Variants in MAP4K4 observed in about 807,000 individuals in gnomAD.
MAP4K4 encodes HPK/GCK-like kinase HGK.
A neutral mutation model predicts 189.6 loss-of-function variants in MAP4K4; 38 were observed. That is an observed-to-expected ratio of 0.20 (90% CI 0.15 to 0.26). MAP4K4 has a LOEUF of 0.26. MAP4K4 is among the 10% of genes least tolerant of loss of function. The pLI is 1.00. For synonymous variants in MAP4K4, 610 were observed against 624.3 expected, an observed-to-expected ratio of 0.98 and a Z score of 0.34; for missense variants, 1,054 against 1,726.9, an observed-to-expected ratio of 0.61 and a Z score of 6.91.
At position 101,792,597 on chromosome 2, in the gene MAP4K4, TCTCCTC is replaced by T. The variant is rs60472010; in HGVS notation, c.180+1848_180+1853del. On this transcript the variant is annotated intron_variant, in intron 3 of 32. Coordinates refer to ENST00000324219, the Ensembl canonical transcript of MAP4K4. ...ATACTTACTGCCACCTTCTCCTCCT[TCTCCTC>T]CTCCTCCTCCTCCTCCTCCTCCTCC... 5.7e-3 allele frequency among the ~76,000 whole-genome samples: 830 copies of T among 144,902 alleles called. 4 individuals carry two copies. Among genetic ancestry groups the T allele is most frequent in the African/African-American group, 7.3e-3 (268 of 36,620 alleles).
chr2:101,775,596 C>T (rs926853682), intron 2 of MAP4K4, among the ~76,000 whole-genome samples: 3 of 152,078 alleles, frequency 2.0e-5, no homozygotes, highest in African/African-American at 7.2e-5. Flanking sequence ...AGGCCCTGGG[C>T]TAGTGCTGGG....
chr2:101,883,108 G>C (rs2098426218), intron 28 of MAP4K4, among the ~76,000 whole-genome samples: 1 of 152,198 alleles, frequency 6.6e-6, no homozygotes, highest in South Asian at 2.1e-4. Context: ...TCTCCACTTA[G>C]AGGTCTGGAG....
chr2:101,871,038 C>T lies in MAP4K4; in HGVS notation c.2761-456C>T, dbSNP rs375794174. Among the ~76,000 whole-genome samples, 9 of 152,308 alleles carry T rather than the reference C, an allele frequency of 5.9e-5. 1 individual carries two copies. In the East Asian group the frequency reaches 1.3e-3, roughly 23 times the overall value. On this transcript the variant is annotated intron_variant, in intron 23 of 32. Coordinates refer to ENST00000324219, the Ensembl canonical transcript of MAP4K4. ...GACTTAATTAAAGTGATACGCTTCT[C>T]ATTTAAATAGAACAGGGCACCTATT...
chr2:101,744,281 C>T (rs2064158815), intron 2 of MAP4K4, among the ~76,000 whole-genome samples: 1 of 152,210 alleles, frequency 6.6e-6, no homozygotes, highest in Non-Finnish European at 1.5e-5. Flanking sequence ...ACTGCTATCA[C>T]TTCAACACAT....
At chr2:101,843,246 A>G (rs932700500) in intron 11 of MAP4K4, among the ~76,000 whole-genome samples, 2 of 152,178 alleles carry the variant, frequency 1.3e-5, no homozygotes, top group African/African-American at 2.4e-5. Flanking sequence ...GCAGTTGTCC[A>G]TGCTGCAGTA....
chr2:101,783,660 C>T (rs2089018926), intron 2 of MAP4K4, among the ~76,000 whole-genome samples: 1 of 152,184 alleles, frequency 6.6e-6, no homozygotes, highest in Non-Finnish European at 1.5e-5. Context: ...CAGTAAATCT[C>T]TTAAATCCAA....
rs1368362969 is a variant in MAP4K4 at position 101,829,485 on chromosome 2, G to C, written c.418-19G>C. ...ATAGTCACAGAAAACTAAAATTCAG[G>C]TCTGTCTTTCCTATTCAGGGACTGG... On this transcript the variant is annotated intron_variant, in intron 5 of 32. Transcript: ENST00000324219. The C allele has an allele frequency of 6.4e-7, 1 of 1,569,326 alleles. No individual in the cohort carries two copies. Among genetic ancestry groups the C allele is most frequent in the African/African-American group, 1.3e-5 (1 of 74,154 alleles).
intron 9 of MAP4K4, among the ~76,000 whole-genome samples, chr2:101,838,749 A>G (rs1383746253): frequency 2.0e-5 from 3 of 152,230 alleles, no homozygotes; most frequent in Non-Finnish European, 4.4e-5. Flanking sequence ...TGTTGAATTG[A>G]AAAAAAGTAA....
intron 2 of MAP4K4, among the ~76,000 whole-genome samples, chr2:101,775,903 T>C (rs538609314): frequency 2.0e-5 from 3 of 152,342 alleles, no homozygotes; most frequent in African/African-American, 7.2e-5. Flanking sequence ...TGGAGTGTTA[T>C]GTGGTGTCTG....
intron 2 of MAP4K4, among the ~76,000 whole-genome samples, chr2:101,761,592 T>C (rs2076466866): frequency 6.7e-6 from 1 of 149,220 alleles, no homozygotes; most frequent in African/African-American, 2.5e-5. Flanking sequence ...TCTCTCTCAC[T>C]CTTGTTGCCG....
chr2:101,703,472 G>T (rs931972412), intron 2 of MAP4K4, among the ~76,000 whole-genome samples: 4 of 151,836 alleles, frequency 2.6e-5, no homozygotes, highest in Admixed American at 2.6e-4. Flanking sequence ...ATAAAAAGTA[G>T]CCAGGCGTGG....
intron 2 of MAP4K4, among the ~76,000 whole-genome samples, chr2:101,699,156 C>T (rs2036615707): frequency 6.6e-6 from 1 of 152,158 alleles, no homozygotes; most frequent in Non-Finnish European, 1.5e-5. Context: ...CAGGAATAAC[C>T]TGTTTGACAG....
intron 2 of MAP4K4, among the ~76,000 whole-genome samples, chr2:101,718,092 A>T (rs899433594): frequency 7.9e-5 from 12 of 152,090 alleles, no homozygotes; most frequent in Non-Finnish European, 1.6e-4. Flanking sequence ...CCCCATCTCT[A>T]CTAAAAATAC....
In MAP4K4 at chr2:101,865,974, G is replaced by A. The variant is rs1049969460; in HGVS notation, c.2205-454G>A. Among the ~76,000 whole-genome samples, 16 of 152,180 alleles carry A rather than the reference G, an allele frequency of 1.1e-4. No homozygotes were observed. In the East Asian group the frequency reaches 1.2e-3, roughly 11 times the overall value. On this transcript the variant is annotated intron_variant, in intron 18 of 32. Transcript: ENST00000324219. ...CATCCCAGCTCATGCTTTCTGTACC[G>A]TTTCCAACAGCCCATACAAAGGACT...
chr2:101,763,331 T>C (rs1387186239), intron 2 of MAP4K4, among the ~76,000 whole-genome samples: 1 of 152,138 alleles, frequency 6.6e-6, no homozygotes, highest in Non-Finnish European at 1.5e-5. Flanking sequence ...CAGAATCACA[T>C]TGCAAAGAGA....
At chr2:101,851,974 G>GT (rs2097300635) in intron 12 of MAP4K4, among the ~76,000 whole-genome samples, 1 of 151,784 alleles carries the variant, frequency 6.6e-6, no homozygotes, top group Non-Finnish European at 1.5e-5. Context: ...TGGATTAGTT[G>GT]TTTGTAGTCT....
intron 3 of MAP4K4, among the ~76,000 whole-genome samples, chr2:101,796,241 C>T (rs1316231182): frequency 6.6e-6 from 1 of 152,146 alleles, no homozygotes; most frequent in South Asian, 2.1e-4. Context: ...AGCTATTGGA[C>T]CAGCAGCTGC....
Position 101,796,831 on chromosome 2 carries a change from C to T in MAP4K4, c.180+6055C>T, listed in dbSNP as rs372247583. On this transcript the variant is annotated intron_variant, in intron 3 of 32. Transcript: ENST00000324219. ...ATTGAGCATCTTCCAGTATTCCTAGCGCCATGTTCCATGGATATGTGGAAG... is the reference window on the plus strand; with the variant it reads ...ATTGAGCATCTTCCAGTATTCCTAGTGCCATGTTCCATGGATATGTGGAAG... Among the ~76,000 whole-genome samples the T allele has an allele frequency of 1.1e-4, 16 of 152,234 alleles. No individual in the cohort carries two copies. The East Asian group carries it at 1.5e-3, about 15-fold the overall frequency.
At chr2:101,707,981 G>A (rs1573913989) in intron 2 of MAP4K4, among the ~76,000 whole-genome samples, 1 of 151,720 alleles carries the variant, frequency 6.6e-6, no homozygotes, top group Non-Finnish European at 1.5e-5. Flanking sequence ...GATTACAGGT[G>A]TGAGCCATCG....
Sources: allele counts gnomAD v4.1 joint callset (sites outside exome capture counted in the v4.1 genomes callset), GRCh38; gene constraint gnomAD v4.1.1; transcripts MANE v1.5; gene names NCBI Gene and HGNC (gene_info 2026-07-23, HGNC 2026-07-21).